TSPAN15: variants seen among roughly 807,000 people sequenced by gnomAD.
TSPAN15 encodes tetraspanin-15.
Under a neutral mutation model 34.5 loss-of-function variants are expected in TSPAN15, and 20 were observed. That is an observed-to-expected ratio of 0.58 (90% CI 0.41 to 0.84). The LOEUF is 0.84. Among genes scored for constraint, TSPAN15 ranks in the 40% least tolerant of loss-of-function variants. The pLI is 0.00. For synonymous variants in TSPAN15, 155 were observed against 153.9 expected (o/e 1.01, Z -0.05); for missense variants, 313 against 386.1 (o/e 0.81, Z 1.59).
chr10:69,532,126 A>G, the TSPAN15 span, among the ~76,000 whole-genome samples: 7 of 152,244 alleles, frequency 4.6e-5, no homozygotes, highest in African/African-American at 7.2e-5. Context: ...GCAATCTACA[A>G]ATTCAATGCA....
At chr10:69,478,566 A>G (rs1478973367) in intron 1 of TSPAN15, among the ~76,000 whole-genome samples, 2 of 151,938 alleles carry the variant, frequency 1.3e-5, no homozygotes, top group South Asian at 2.1e-4. Flanking sequence ...TCACCTCTCC[A>G]TGGCAGGAAT....
At chr10:69,464,399 T>C (rs10998795) in intron 1 of TSPAN15, among the ~76,000 whole-genome samples, 60,247 of 151,258 alleles carry the variant, frequency 0.4, 12,498 homozygotes, top group Non-Finnish European at 0.45. Flanking sequence ...AACAGAGGGG[T>C]TGGGGGAGGA....
At chr10:69,529,518 T>C in the TSPAN15 span, among the ~76,000 whole-genome samples, 1 of 147,888 alleles carries the variant, frequency 6.8e-6, no homozygotes, top group African/African-American at 2.5e-5. Flanking sequence ...AATAAGGTAA[T>C]ATTAACTTCT....
At chr10:69,525,886 T>C in the TSPAN15 span, among the ~76,000 whole-genome samples, 1 of 145,810 alleles carries the variant, frequency 6.9e-6, no homozygotes, top group South Asian at 2.2e-4. Flanking sequence ...ATGAACAATA[T>C]TAAGCTCCTA....
At chr10:69,526,460 G>A in the TSPAN15 span, among the ~76,000 whole-genome samples, 2 of 148,198 alleles carry the variant, frequency 1.3e-5, no homozygotes, top group African/African-American at 4.9e-5. Flanking sequence ...TTAAAACTAC[G>A]ATGAAATGCT....
At chr10:69,477,035 G>T (rs1045651307) in intron 1 of TSPAN15, among the ~76,000 whole-genome samples, 3 of 152,158 alleles carry the variant, frequency 2.0e-5, no homozygotes, top group African/African-American at 7.2e-5. Context: ...CAGGAACCCA[G>T]CTGCCCTGGG....
chr10:69,481,493 A>G (rs1841734828), intron 1 of TSPAN15, among the ~76,000 whole-genome samples: 1 of 152,188 alleles, frequency 6.6e-6, no homozygotes, highest in African/African-American at 2.4e-5. Context: ...TCACGCATCA[A>G]AGCTTAGGAG....
At chr10:69,518,161 T>A in the TSPAN15 span, among the ~76,000 whole-genome samples, 1 of 152,214 alleles carries the variant, frequency 6.6e-6, no homozygotes, top group Admixed American at 6.5e-5. Context: ...ATACAGTAAC[T>A]GACTTCAATT....
chr10:69,495,592 A>G lies in TSPAN15; in HGVS notation c.358-2A>G. 1 of 1,608,308 alleles carries G rather than the reference A, an allele frequency of 6.2e-7. No individual in the cohort carries two copies. Among genetic ancestry groups the G allele is most frequent in the South Asian group, 1.1e-5 (1 of 90,958 alleles). ...TCCTTTGTAATTTCTCCTTTTGAAT[A>G]GACCATTGACTTCCTGAACGACAAC... On this transcript the variant is annotated splice_acceptor_variant, in intron 3 of 7. Transcript: ENST00000373290. LOFTEE classifies it high-confidence loss of function.
intron 6 of TSPAN15, among the ~76,000 whole-genome samples, chr10:69,504,767 A>C (rs1240541272): frequency 6.6e-6 from 1 of 152,180 alleles, no homozygotes; most frequent in Non-Finnish European, 1.5e-5. Context: ...TGGTACCCGC[A>C]GCGTGCTGTG....
chr10:69,492,863 G>T (rs554826018), intron 3 of TSPAN15, among the ~76,000 whole-genome samples: 140 of 152,310 alleles, frequency 9.2e-4, no homozygotes, highest in African/African-American at 3.2e-3. Flanking sequence ...CAGTGGGCCC[G>T]GGTAGGTGCA....
the TSPAN15 span, among the ~76,000 whole-genome samples, chr10:69,522,759 C>T: frequency 1.3e-4 from 19 of 147,776 alleles, 2 homozygotes; most frequent in Non-Finnish European, 2.7e-4. Context: ...CCCCTTCCAT[C>T]CAACCCCCAT....
chr10:69,508,522 G>C, downstream of TSPAN15, among the ~76,000 whole-genome samples: 1 of 151,372 alleles, frequency 6.6e-6, no homozygotes, highest in East Asian at 1.9e-4. Flanking sequence ...TCTAACGGTG[G>C]GAACCATCTA....
intron 1 of TSPAN15, among the ~76,000 whole-genome samples, chr10:69,474,739 G>T (rs1841579699): frequency 6.6e-6 from 1 of 152,088 alleles, no homozygotes; most frequent in Admixed American, 6.6e-5. Flanking sequence ...TCATTCCTGG[G>T]CTCCCTAAGC....
rs1842182962 is a variant in TSPAN15, at chr10:69,500,516, C to T, written c.570+2120C>T. Among the ~76,000 whole-genome samples the T allele has an allele frequency of 2.6e-5, 4 of 152,168 alleles. No individual in the cohort carries two copies. In the South Asian group the frequency reaches 8.3e-4, roughly 32 times the overall value. On this transcript the variant is annotated intron_variant, in intron 5 of 7. Transcript: ENST00000373290. ...AGGGTGAGTCGGCAGGCTGGAGACC[C>T]AGGAGAGCTGAGGGTGGAGTTCCCA...
At position 69,506,375 on chromosome 10, in the gene TSPAN15, G is replaced by A; in HGVS notation, c.735+135G>A. On this transcript the variant is annotated intron_variant, in intron 7 of 7. Coordinates refer to ENST00000373290, the MANE Select transcript of TSPAN15 (RefSeq NM_012339.5). The surrounding 1 kb of genome is among the most constrained non-coding windows in gnomAD (Gnocchi z 4.7). ...CCTGGGGAGGGCTGCATGGCTGGAA[G>A]GAGGGGCAAATGGCAATAGCAGTCG... 1.3e-6 allele frequency: 1 copy of A among 798,114 alleles called. No individual in the cohort carries two copies. Among genetic ancestry groups the A allele is most frequent in the Non-Finnish European group, 2.0e-6 (1 of 495,358 alleles). 49.4% of individuals were successfully genotyped at this position (798,114 alleles called of 1,614,324 possible).
chr10:69,465,100 A>G (rs1841355179), intron 1 of TSPAN15, among the ~76,000 whole-genome samples: 1 of 152,250 alleles, frequency 6.6e-6, no homozygotes, highest in South Asian at 2.1e-4. Flanking sequence ...GAGTCCTAGC[A>G]GCATGCTCTG....
chr10:69,521,585 A>G, the TSPAN15 span, among the ~76,000 whole-genome samples: 20,092 of 147,460 alleles, frequency 0.14, 3,213 homozygotes, highest in East Asian at 0.24. Context: ...AAAAATGAAT[A>G]AATAAATAAA....
intron 1 of TSPAN15, among the ~76,000 whole-genome samples, chr10:69,455,592 CTTTCTTT>C (rs1841078547): frequency 3.3e-5 from 4 of 121,074 alleles, no homozygotes; most frequent in African/African-American, 1.3e-4. Flanking sequence ...CTTTCTTTCT[CTTTCTTT>C]CTTTCTTTCT....
Sources: gnomAD v4.1 joint callset for allele counts (sites outside exome capture counted in the v4.1 genomes callset) on GRCh38, gnomAD v4.1.1 for gene constraint, Gnocchi (gnomAD v3.1) non-coding constraint, MANE v1.5 for transcripts, NCBI Gene and HGNC (gene_info 2026-07-23, HGNC 2026-07-21) for gene names.